The following CHN2 variants were observed in gnomAD, a reference collection of about 807,000 sequenced individuals.
CHN2 encodes chimerin 2.
CHN2 carries 35 observed loss-of-function variants against 56.3 expected under a neutral mutation model. That is an observed-to-expected ratio of 0.62 (90% confidence interval 0.47 to 0.82). The LOEUF (loss-of-function observed/expected upper bound fraction) is 0.82, where lower values mean the gene tolerates loss of function less well. CHN2 is among the 40% of genes least tolerant of loss of function. The pLI is 0.00. For synonymous variants in CHN2, 210 were observed against 212.8 expected (o/e 0.99, Z 0.12); for missense variants, 491 against 580.5 (o/e 0.85, Z 1.58).
intron 1 of CHN2, among the ~76,000 whole-genome samples, chr7:29,231,613 A>G (rs1786717352): frequency 6.6e-6 from 1 of 152,230 alleles, no homozygotes; most frequent in Non-Finnish European, 1.5e-5. Flanking sequence ...GAAATATGAA[A>G]AAAAAGTTAG....
At chr7:29,404,838 T>C (rs1471887265) in intron 6 of CHN2, among the ~76,000 whole-genome samples, 1 of 152,160 alleles carries the variant, frequency 6.6e-6, no homozygotes, top group Non-Finnish European at 1.5e-5. Context: ...TAGCTGGGAT[T>C]ACAGGTACGA....
chr7:29,183,586 A>T (rs1006073164), intron 2 of CHN2, among the ~76,000 whole-genome samples: 2 of 152,078 alleles, frequency 1.3e-5, no homozygotes, highest in African/African-American at 4.8e-5. Context: ...CATGTTGGCC[A>T]GGCTGGTCTC....
At chr7:29,411,142 C>G (rs1447658529) in intron 6 of CHN2, among the ~76,000 whole-genome samples, 1 of 152,126 alleles carries the variant, frequency 6.6e-6, no homozygotes, top group African/African-American at 2.4e-5. Context: ...AGCCTAGGGC[C>G]TGTGTCATCA....
chr7:29,478,059 T>C (rs1055371178), intron 6 of CHN2, among the ~76,000 whole-genome samples: 4 of 152,138 alleles, frequency 2.6e-5, no homozygotes, highest in African/African-American at 9.7e-5. Flanking sequence ...ACAAGTGCAA[T>C]CAGAAAAATG....
chr7:29,294,246 T>A (rs1332610654), intron 1 of CHN2, among the ~76,000 whole-genome samples: 1 of 152,092 alleles, frequency 6.6e-6, no homozygotes, highest in Non-Finnish European at 1.5e-5. Flanking sequence ...GATGGGTGCA[T>A]AATAAATATT....
chr7:29,392,557 GT>G (rs1801449038), intron 3 of CHN2, among the ~76,000 whole-genome samples: 1 of 152,220 alleles, frequency 6.6e-6, no homozygotes, highest in African/African-American at 2.4e-5. Context: ...TAGATGATAA[GT>G]TTTGTACCAG....
intron 1 of CHN2, among the ~76,000 whole-genome samples, chr7:29,255,093 C>T (rs886289208): frequency 6.6e-6 from 1 of 152,074 alleles, no homozygotes; most frequent in African/African-American, 2.4e-5. Flanking sequence ...AGACAGGCAC[C>T]CAAGAATGGA....
intron 1 of CHN2, among the ~76,000 whole-genome samples, chr7:29,259,144 A>G (rs945634180): frequency 2.6e-5 from 4 of 152,188 alleles, no homozygotes; most frequent in African/African-American, 4.8e-5. Context: ...CCTGGGTAAC[A>G]TGGTGAAACT....
At chr7:29,193,596 G>A (rs995085388), upstream of CHN2, 7 of 152,062 alleles carry the variant, frequency 4.6e-5, no homozygotes, top group Admixed American at 6.5e-5. Context: ...CGATTAGCCC[G>A]CTGGGAGCGT....
At chr7:29,512,391 C>T (rs772752225) in intron 12 of CHN2, among the ~76,000 whole-genome samples, 173 bp from the exon 13 acceptor site, 10 of 152,110 alleles carry the variant, frequency 6.6e-5, no homozygotes, top group Non-Finnish European at 1.5e-4. Context: ...CAATTTAAAA[C>T]GAAAAATCAG....
intron 2 of CHN2, among the ~76,000 whole-genome samples, chr7:29,151,265 C>A (rs245891): frequency 0.35 from 52,746 of 152,042 alleles, 9,235 homozygotes; most frequent in South Asian, 0.4. Context: ...TTGCTTGCCT[C>A]CTTATGCCTG....
At chr7:29,440,876 AT>A (rs1186928041) in intron 6 of CHN2, among the ~76,000 whole-genome samples, 1 of 151,904 alleles carries the variant, frequency 6.6e-6, no homozygotes, top group Non-Finnish European at 1.5e-5. Context: ...ATATTTCTCC[AT>A]TTTTTGACTT....
chr7:29,242,265 G>T (rs567319034), intron 1 of CHN2, among the ~76,000 whole-genome samples: 2 of 152,346 alleles, frequency 1.3e-5, no homozygotes, highest in South Asian at 4.1e-4. Context: ...TTGGAAGGCA[G>T]ATAGCAAACC....
chr7:29,447,506 G>T (rs906226125), intron 6 of CHN2, among the ~76,000 whole-genome samples: 7 of 152,134 alleles, frequency 4.6e-5, no homozygotes, highest in African/African-American at 1.7e-4. Context: ...GAGAGAAAGG[G>T]AGGACACAAA....
At chr7:29,447,681 CA>C (rs1453203254) in intron 6 of CHN2, among the ~76,000 whole-genome samples, 1 of 152,114 alleles carries the variant, frequency 6.6e-6, no homozygotes, top group Admixed American at 6.6e-5. Context: ...CAAAGGAGCA[CA>C]AGGACAGTTT....
chr7:29,283,952 T>TTTTGA (rs1791938201), intron 1 of CHN2, among the ~76,000 whole-genome samples: 1 of 106,984 alleles, frequency 9.3e-6, no homozygotes, highest in Non-Finnish European at 1.9e-5. Context: ...TTTTTTTTTT[T>TTTTGA]GAGACACAGT....
At chr7:29,343,041 C>T (rs1232723520) in intron 1 of CHN2, among the ~76,000 whole-genome samples, 10 of 152,210 alleles carry the variant, frequency 6.6e-5, no homozygotes, top group African/African-American at 2.4e-4. Flanking sequence ...AAAAGGGCTT[C>T]TTCTGGAGGA....
chr7:29,406,352 A>G (rs1374090201), intron 6 of CHN2, among the ~76,000 whole-genome samples: 1 of 152,112 alleles, frequency 6.6e-6, no homozygotes, highest in Non-Finnish European at 1.5e-5. Flanking sequence ...ACTGCTTCTA[A>G]GAGGAATTGA....
intron 6 of CHN2, among the ~76,000 whole-genome samples, chr7:29,416,658 C>T (rs943844512): frequency 6.6e-6 from 1 of 152,114 alleles, no homozygotes; most frequent in African/African-American, 2.4e-5. Context: ...AGTTTGAAAC[C>T]GCTGGCCCGG....
Sources: allele counts gnomAD v4.1 joint callset (sites outside exome capture counted in the v4.1 genomes callset), GRCh38; gene constraint gnomAD v4.1.1; transcripts MANE v1.5; gene names NCBI Gene and HGNC (gene_info 2026-07-23, HGNC 2026-07-21).